SYK: variants seen among roughly 807,000 people sequenced by gnomAD.
SYK encodes the protein spleen associated tyrosine kinase.
SYK carries 16 observed loss-of-function variants against 77.8 expected under a neutral mutation model. That is an observed-to-expected ratio of 0.21 (90% CI 0.14 to 0.31). The LOEUF is 0.31. SYK is among the 10% of genes least tolerant of loss of function. SYK has a pLI of 1.00. For synonymous variants in SYK, 312 were observed against 308.7 expected (o/e 1.01, Z -0.11); for missense variants, 529 against 814.4 (o/e 0.65, Z 4.26).
intron 1 of SYK, among the ~76,000 whole-genome samples, chr9:90,826,792 G>A (rs1470946607): frequency 3.9e-5 from 6 of 152,198 alleles, no homozygotes; most frequent in Non-Finnish European, 7.3e-5. Flanking sequence ...GTAGATGCTT[G>A]AAAAGTACCC....
At chr9:90,871,921 T>C (rs1827741605) in intron 7 of SYK, among the ~76,000 whole-genome samples, 1 of 152,184 alleles carries the variant, frequency 6.6e-6, no homozygotes. Context: ...GAGTTCTAAT[T>C]TCCGAGGAAG....
chr9:90,884,820 T>TACACATATGTGTGTATACACATATAC (rs1828454495), intron 11 of SYK, among the ~76,000 whole-genome samples: 1 of 92,336 alleles, frequency 1.1e-5, no homozygotes, highest in South Asian at 3.9e-4. Flanking sequence ...CATACACATA[T>TACACATATGTGTGTATACACATATAC]ACACATATGT....
chr9:90,865,019 C>G (rs1827427451), intron 5 of SYK, 29 bp from the exon 6 acceptor site: 2 of 1,611,812 alleles, frequency 1.2e-6, no homozygotes, highest in East Asian at 4.5e-5. Context: ...TCAGATAGAG[C>G]AGTAATTGTC....
intron 11 of SYK, among the ~76,000 whole-genome samples, chr9:90,884,230 C>A (rs917022650): frequency 6.6e-6 from 1 of 150,504 alleles, no homozygotes; most frequent in African/African-American, 2.4e-5. Flanking sequence ...TATACACATA[C>A]ACATACGTGT....
chr9:90,857,635 T>C (rs1276418465), intron 3 of SYK, among the ~76,000 whole-genome samples: 1 of 152,210 alleles, frequency 6.6e-6, no homozygotes, highest in Non-Finnish European at 1.5e-5. Flanking sequence ...ATATCTTTCA[T>C]GGATCAGTAA....
chr9:90,823,457 G>C (rs1825581732), intron 1 of SYK, among the ~76,000 whole-genome samples: 1 of 152,096 alleles, frequency 6.6e-6, no homozygotes, highest in Admixed American at 6.5e-5. Flanking sequence ...TTCTTCTCAA[G>C]CTCACTTGGA....
Position 90,845,987 on chromosome 9 carries a change from A to G in SYK, c.578+393A>G, listed in dbSNP as rs140148237. ...CCCCTTGATCTCAGACTTTACTTCT[A>G]TTTTACATGAAACAAGATGCCAACA... On this transcript the variant is annotated intron_variant, in intron 3 of 13. Coordinates refer to ENST00000375754, the MANE Select transcript of SYK (RefSeq NM_003177.7). 7.9e-5 allele frequency among the ~76,000 whole-genome samples: 12 copies of G among 152,290 alleles called. No individual in the cohort carries two copies. In the East Asian group the frequency reaches 2.3e-3, roughly 29 times the overall value.
At chr9:90,890,374 CG>C (rs1828742568) in intron 13 of SYK, among the ~76,000 whole-genome samples, 1 of 152,124 alleles carries the variant, frequency 6.6e-6, no homozygotes. Flanking sequence ...AGGGGCAGAC[CG>C]GGGAGGGAAA....
At chr9:90,838,928 C>A (rs755862913) in intron 1 of SYK, among the ~76,000 whole-genome samples, 1 of 152,184 alleles carries the variant, frequency 6.6e-6, no homozygotes, top group Non-Finnish European at 1.5e-5. Flanking sequence ...TCACGGGCTC[C>A]GTCCCTGTCT....
At chr9:90,858,308 T>C (rs1827121301) in intron 3 of SYK, among the ~76,000 whole-genome samples, 1 of 152,232 alleles carries the variant, frequency 6.6e-6, no homozygotes, top group East Asian at 1.9e-4. Context: ...AAGGACTGTC[T>C]CAAGACCAGT....
chr9:90,817,238 C>A (rs1277484641), intron 1 of SYK, among the ~76,000 whole-genome samples: 1 of 152,108 alleles, frequency 6.6e-6, no homozygotes, highest in Non-Finnish European at 1.5e-5. Flanking sequence ...GCTCTTTTAA[C>A]CCCTGTAGAC....
intron 5 of SYK, 71 bp from the exon 6 acceptor site, chr9:90,864,977 T>C: frequency 7.0e-7 from 1 of 1,436,064 alleles, no homozygotes; most frequent in Non-Finnish European, 9.8e-7. Context: ...CATTGATTGA[T>C]CTGCAGTGGG....
At chr9:90,841,207 T>C (rs939700091) in intron 1 of SYK, among the ~76,000 whole-genome samples, 2 of 151,050 alleles carry the variant, frequency 1.3e-5, no homozygotes, top group African/African-American at 4.9e-5. Flanking sequence ...GTGTGTTGCA[T>C]GTAGTGTGTT....
intron 1 of SYK, among the ~76,000 whole-genome samples, chr9:90,831,208 C>G (rs1016791045): frequency 6.6e-6 from 1 of 152,082 alleles, no homozygotes; most frequent in African/African-American, 2.4e-5. Flanking sequence ...CACCTTCAAT[C>G]GCTAAGGACT....
chr9:90,836,304 G>C (rs1333562846), intron 1 of SYK, among the ~76,000 whole-genome samples: 1 of 145,754 alleles, frequency 6.9e-6, no homozygotes, highest in Non-Finnish European at 1.5e-5. Flanking sequence ...AAAAAAAAAA[G>C]TTAAGAAAAA....
rs769802948 is a variant in SYK at position 90,845,606 on chromosome 9, G to T, written c.578+12G>T. On this transcript the variant is annotated intron_variant, in intron 3 of 13. Coordinates refer to ENST00000375754, the MANE Select transcript of SYK (RefSeq NM_003177.7). The stretch of plus-strand genomic sequence containing the variant: ...AATGGAAAGTTCCTGTGAGTATCGT[G>T]CCTTCCCCCTCACCTCCTGCCACCA... The T allele has an allele frequency of 1.9e-6, 3 of 1,612,432 alleles. No homozygotes were observed. In the South Asian group the frequency reaches 3.3e-5, roughly 18 times the overall value.
intron 1 of SYK, among the ~76,000 whole-genome samples, chr9:90,807,605 C>T (rs1336535700): frequency 1.3e-5 from 2 of 152,190 alleles, no homozygotes; most frequent in Non-Finnish European, 2.9e-5. Flanking sequence ...ATCTGCCCTG[C>T]AGTCTTGGAG....
intron 13 of SYK, among the ~76,000 whole-genome samples, chr9:90,888,979 C>T (rs1019272835): frequency 1.3e-5 from 2 of 152,088 alleles, no homozygotes; most frequent in Non-Finnish European, 2.9e-5. Context: ...CAGAAGCACT[C>T]GGTAGGGGAT....
At chr9:90,820,758 CTACT>C (rs1825483419) in intron 1 of SYK, among the ~76,000 whole-genome samples, 1 of 152,270 alleles carries the variant, frequency 6.6e-6, no homozygotes, top group South Asian at 2.1e-4. Flanking sequence ...AGGCTCATTG[CTACT>C]TATGCAAATT....
Sources: gnomAD v4.1 joint callset for allele counts (sites outside exome capture counted in the v4.1 genomes callset) on GRCh38, gnomAD v4.1.1 for gene constraint, MANE v1.5 for transcripts, NCBI Gene and HGNC (gene_info 2026-07-23, HGNC 2026-07-21) for gene names.